TENM2: variants seen among roughly 807,000 people sequenced by gnomAD.
The protein encoded by TENM2 is teneurin transmembrane protein 2, also known as teneurin-2.
Under a neutral mutation model 245.2 loss-of-function variants are expected in TENM2, and 52 were observed. The observed-to-expected ratio is 0.21, with a 90% confidence interval of 0.17 to 0.27. The LOEUF is 0.27. TENM2 is among the 10% of genes least tolerant of loss of function. The pLI, the probability that TENM2 is intolerant of heterozygous loss-of-function variation, is 1.00. For missense variants in TENM2, 3,046 were observed against 3,666.8 expected, an observed-to-expected ratio of 0.83 and a Z score of 4.37; for synonymous variants, 1,363 against 1,438.9, an observed-to-expected ratio of 0.95 and a Z score of 1.19.
At chr5:168,081,571 G>A (rs1177970138) in intron 7 of TENM2, among the ~76,000 whole-genome samples, 1 of 152,168 alleles carries the variant, frequency 6.6e-6, no homozygotes, top group Non-Finnish European at 1.5e-5. Flanking sequence ...GCTTGTACTG[G>A]TTGTTCCTTT....
At chr5:168,256,032 C>A (rs975455953) in intron 27 of TENM2, among the ~76,000 whole-genome samples, 1 of 151,846 alleles carries the variant, frequency 6.6e-6, no homozygotes, top group African/African-American at 2.4e-5. Flanking sequence ...TCTCGAACTC[C>A]TGACCTCGTG....
chr5:167,401,166 GTC>G (rs761434317), intron 2 of TENM2, among the ~76,000 whole-genome samples: 19 of 152,166 alleles, frequency 1.2e-4, no homozygotes, highest in Non-Finnish European at 2.2e-4. Flanking sequence ...CGAACACTAC[GTC>G]CTGTACATAT....
At chr5:168,090,061 A>C (rs150235604) in intron 7 of TENM2, among the ~76,000 whole-genome samples, 7 of 152,290 alleles carry the variant, frequency 4.6e-5, no homozygotes, top group African/African-American at 1.7e-4. Context: ...GGTAGCTGGT[A>C]ACATGGGTTC....
intron 2 of TENM2, among the ~76,000 whole-genome samples, chr5:167,751,591 A>T (rs1761962177): frequency 6.6e-6 from 1 of 152,208 alleles, no homozygotes; most frequent in African/African-American, 2.4e-5. Context: ...TTCTTAGATG[A>T]CAAACAGGAT....
intron 1 of TENM2, chr5:167,306,251 C>T (rs1045929529): frequency 6.6e-6 from 1 of 152,228 alleles, no homozygotes. Context: ...TCAATCAGAT[C>T]GTGGCCCTTT....
intron 2 of TENM2, among the ~76,000 whole-genome samples, chr5:167,557,715 G>A (rs997046099): frequency 6.6e-6 from 1 of 151,874 alleles, no homozygotes; most frequent in Admixed American, 6.5e-5. Context: ...ACAATCTCTA[G>A]AGACATTCTT....
chr5:167,592,924 T>C, intron 2 of TENM2, among the ~76,000 whole-genome samples: 1 of 152,202 alleles, frequency 6.6e-6, no homozygotes, highest in Admixed American at 6.5e-5. Context: ...AAATGTTTAA[T>C]ACAATGAGAT....
chr5:167,760,424 C>G (rs1309764914), intron 2 of TENM2, among the ~76,000 whole-genome samples: 1 of 152,168 alleles, frequency 6.6e-6, no homozygotes, highest in African/African-American at 2.4e-5. Flanking sequence ...TCTGTGGCCT[C>G]TGTGAGTTAG....
At chr5:167,081,954 T>C in the TENM2 span, among the ~76,000 whole-genome samples, 1 of 152,104 alleles carries the variant, frequency 6.6e-6, no homozygotes, top group Non-Finnish European at 1.5e-5. Flanking sequence ...GGTTGCAAAA[T>C]AAACGGTCAA....
At chr5:167,224,162 G>A in the TENM2 span, among the ~76,000 whole-genome samples, 17 of 152,040 alleles carry the variant, frequency 1.1e-4, no homozygotes, top group African/African-American at 3.6e-4. Context: ...TCTGTTGATT[G>A]TTTCTTTTGC....
At position 167,370,430 on chromosome 5, in the gene TENM2, G is replaced by A. The variant is rs115260004; in HGVS notation, c.227-4768G>A. Among the ~76,000 whole-genome samples the A allele has an allele frequency of 4.9e-3, 740 of 149,802 alleles. 7 individuals carry two copies. Among genetic ancestry groups the A allele is most frequent in the African/African-American group, 0.017 (714 of 40,868 alleles). On this transcript the variant is annotated intron_variant, in intron 1 of 28. Transcript: ENST00000518659. ...TACGATCAAGAAAAGACAATTTAACGTCCAAGATATTTATCAAGAGAGTTA... is the reference window on the plus strand; with the variant it reads ...TACGATCAAGAAAAGACAATTTAACATCCAAGATATTTATCAAGAGAGTTA...
At chr5:168,240,038 C>T (rs1026882061) in intron 25 of TENM2, among the ~76,000 whole-genome samples, 15 of 151,946 alleles carry the variant, frequency 9.9e-5, no homozygotes, top group African/African-American at 3.1e-4. Flanking sequence ...ACCAACATGG[C>T]GAAACCCCGT....
intron 3 of TENM2, among the ~76,000 whole-genome samples, chr5:167,895,939 G>A (rs539245078): frequency 6.6e-6 from 1 of 152,172 alleles, no homozygotes; most frequent in Non-Finnish European, 1.5e-5. Context: ...TGTTATAGAC[G>A]TTATGCAACA....
chr5:167,353,329 G>A (rs914815018), intron 1 of TENM2, among the ~76,000 whole-genome samples: 5 of 144,222 alleles, frequency 3.5e-5, no homozygotes, highest in African/African-American at 1.4e-4. Flanking sequence ...GTGCAGGGGG[G>A]TGGTGGGGGT....
At chr5:167,112,306 G>T in the TENM2 span, among the ~76,000 whole-genome samples, 1 of 152,196 alleles carries the variant, frequency 6.6e-6, no homozygotes, top group African/African-American at 2.4e-5. Context: ...TTCCCATTGA[G>T]ATTAATAACT....
At chr5:167,366,210 T>A (rs922573222) in intron 1 of TENM2, among the ~76,000 whole-genome samples, 1 of 152,060 alleles carries the variant, frequency 6.6e-6, no homozygotes, top group African/African-American at 2.4e-5. Flanking sequence ...CTAGCAGAAA[T>A]TTTTAAAAAG....
At chr5:167,450,434 A>G (rs1268212673) in intron 2 of TENM2, among the ~76,000 whole-genome samples, 1 of 152,214 alleles carries the variant, frequency 6.6e-6, no homozygotes, top group African/African-American at 2.4e-5. Flanking sequence ...AAGCCCCATA[A>G]GAACAACGAC....
the TENM2 span, among the ~76,000 whole-genome samples, chr5:167,227,530 A>T: frequency 6.6e-6 from 1 of 152,082 alleles, no homozygotes; most frequent in Non-Finnish European, 1.5e-5. Flanking sequence ...CTTTTGCTGG[A>T]TATAGTATCC....
At position 167,783,176 on chromosome 5, in the gene TENM2, T is replaced by TTG. The variant is rs530135387; in HGVS notation, c.503-92809_503-92808insGT. On this transcript the variant is annotated intron_variant, in intron 2 of 28. Coordinates refer to ENST00000518659, the Ensembl canonical transcript of TENM2. ...GATTGGCTTCAACTAGAAACAGGTT[T>TTG]TTTTTTTTTTTCTGTCTTTTGTTTT... 1.5e-3 allele frequency among the ~76,000 whole-genome samples: 222 copies of TTG among 151,450 alleles called. 10 individuals are homozygous for TTG. The South Asian group carries it at 0.045, about 31-fold the overall frequency.
Sources: allele counts gnomAD v4.1 joint callset (sites outside exome capture counted in the v4.1 genomes callset), GRCh38; gene constraint gnomAD v4.1.1; transcripts MANE v1.5; gene names NCBI Gene and HGNC (gene_info 2026-07-23, HGNC 2026-07-21).